TXLNG: variants seen among roughly 807,000 people sequenced by gnomAD.
TXLNG encodes gamma-taxilin.
A neutral mutation model predicts 38.8 loss-of-function variants in TXLNG; 5 were observed. The ratio of observed to expected loss-of-function variants is 0.13; its 90% confidence interval spans 0.07 to 0.27. The LOEUF (loss-of-function observed/expected upper bound fraction) is 0.27. TXLNG is among the 10% of genes least tolerant of loss of function. The probability of loss-of-function intolerance (pLI) is 1.00; values close to 1 mark genes in which losing one functional copy is unlikely to be tolerated. For missense variants in TXLNG, 393 were observed against 398.2 expected (o/e 0.99, Z 0.11); for synonymous variants, 182 against 158.2 (o/e 1.15, Z -1.13).
intron 2 of TXLNG, among the ~76,000 whole-genome samples, chrX:16,819,436 T>G (rs1928859472): frequency 9.0e-6 from 1 of 110,960 alleles, no homozygotes; most frequent in Admixed American, 9.7e-5. Flanking sequence ...TATATTTTGA[T>G]GCAATATCTT....
chrX:16,819,200 C>T (rs1000245477), intron 2 of TXLNG, among the ~76,000 whole-genome samples: 33 of 110,735 alleles, frequency 3.0e-4, no homozygotes, highest in African/African-American at 9.2e-4. Context: ...CTCGGCCTCC[C>T]AAAGTGCTGA....
chrX:16,793,580 T>C (rs781528845), intron 1 of TXLNG, among the ~76,000 whole-genome samples: 1 of 111,442 alleles, frequency 9.0e-6, no homozygotes, highest in Non-Finnish European at 1.9e-5. Context: ...ACTCATTTCT[T>C]TATGGGTCTT....
Position 16,843,978 on chromosome X carries a change from G to A in TXLNG, c.*2212G>A, listed in dbSNP as rs5969751. The stretch of plus-strand genomic sequence containing the variant: ...GTGTTGTGGCTTTGTAGCGCACCCC[G>A]TATCTACCATATTCTAGAACACTGT... On this transcript the variant is annotated 3_prime_UTR_variant, in exon 10 of 10. Transcript: ENST00000380122. The A allele has an allele frequency of 0.51, 56,410 of 110,051 alleles. 11,137 individuals are homozygous for A. Among genetic ancestry groups the A allele is most frequent in the East Asian group, 0.84 (2,928 of 3,472 alleles). The allele number at this position is 110,051 out of a possible 1,213,427, so 9.1% of individuals were successfully genotyped here.
intron 1 of TXLNG, among the ~76,000 whole-genome samples, chrX:16,787,829 C>T (rs1927551844): frequency 1.8e-5 from 2 of 112,006 alleles, no homozygotes; most frequent in African/African-American, 6.5e-5. Flanking sequence ...TATGAAATTA[C>T]GAAATAATAT....
chrX:16,843,868 C>T lies in TXLNG; in HGVS notation c.*2102C>T, dbSNP rs1305916387. On this transcript the variant is annotated 3_prime_UTR_variant, in exon 10 of 10. Coordinates refer to ENST00000380122, the MANE Select transcript of TXLNG (RefSeq NM_018360.3). ...GGATGCATTTGTTGTCCTTTCAGAA[C>T]CCTTCCTCCCATTACCCTGTGAATA... 1 of 111,669 alleles carries T rather than the reference C, an allele frequency of 9.0e-6. No individual in the cohort carries two copies. Among genetic ancestry groups the T allele is most frequent in the Non-Finnish European group, 1.9e-5 (1 of 53,183 alleles). 9.2% of individuals were successfully genotyped at this position (111,669 alleles called of 1,213,427 possible).
intron 6 of TXLNG, 59 bp from the exon 7 acceptor site, chrX:16,834,224 A>C (rs957099378): frequency 6.2e-6 from 6 of 972,299 alleles, no homozygotes; most frequent in Non-Finnish European, 8.7e-6. Flanking sequence ...TGATCATTTG[A>C]TATTTAGTCC....
intron 3 of TXLNG, among the ~76,000 whole-genome samples, chrX:16,822,234 G>A (rs1221802223): frequency 2.8e-5 from 3 of 108,805 alleles, no homozygotes; most frequent in Non-Finnish European, 3.8e-5. Flanking sequence ...CCAGCTACTC[G>A]GGAGGCTGAG....
chrX:16,824,687 G>A (rs1194361184), intron 3 of TXLNG, among the ~76,000 whole-genome samples: 1 of 109,649 alleles, frequency 9.1e-6, no homozygotes, highest in African/African-American at 3.3e-5. Flanking sequence ...GGGAGCCTGA[G>A]GCAGGCGGAT....
chrX:16,789,127 A>G (rs772074752), intron 1 of TXLNG, among the ~76,000 whole-genome samples: 2 of 111,907 alleles, frequency 1.8e-5, no homozygotes, highest in Admixed American at 9.6e-5. Context: ...AGTTTTTTGA[A>G]AATATTGAAA....
chrX:16,836,689 C>G (rs780516614), intron 7 of TXLNG, among the ~76,000 whole-genome samples: 1 of 112,631 alleles, frequency 8.9e-6, no homozygotes. Flanking sequence ...GGTGAATATT[C>G]TGCATCCAGC....
At chrX:16,797,526 G>A (rs1364551348) in intron 1 of TXLNG, among the ~76,000 whole-genome samples, 19 of 111,989 alleles carry the variant, frequency 1.7e-4, no homozygotes, top group Non-Finnish European at 5.6e-5. Context: ...TCAATTCCTC[G>A]TGGGCTGTTG....
At chrX:16,826,784 T>C (rs1327085614) in intron 3 of TXLNG, among the ~76,000 whole-genome samples, 1 of 110,353 alleles carries the variant, frequency 9.1e-6, no homozygotes, top group Non-Finnish European at 1.9e-5. Context: ...AATACAAAAT[T>C]AGCTGGGTGT....
chrX:16,795,421 A>C (rs1367401587), intron 1 of TXLNG, among the ~76,000 whole-genome samples: 2 of 112,932 alleles, frequency 1.8e-5, no homozygotes, highest in Admixed American at 9.4e-5. Context: ...GTAAATGTAC[A>C]ATATTAGCAC....
chrX:16,814,429 C>T (rs759849267), intron 1 of TXLNG, among the ~76,000 whole-genome samples: 39 of 111,777 alleles, frequency 3.5e-4, no homozygotes, highest in Non-Finnish European at 6.6e-4. Context: ...GCCTGGCCAA[C>T]ATGGTGAAAC....
chrX:16,802,315 A>G (rs1451777798), intron 1 of TXLNG, among the ~76,000 whole-genome samples: 5 of 103,086 alleles, frequency 4.9e-5, no homozygotes, highest in Admixed American at 1.1e-4. Flanking sequence ...CAGTGGCACA[A>G]TCTTGGCTCA....
chrX:16,820,157 C>T lies in TXLNG; in HGVS notation c.407-7C>T. 2.5e-6 allele frequency: 3 copies of T among 1,188,710 alleles called. No homozygotes were observed. Among genetic ancestry groups the T allele is most frequent in the Non-Finnish European group, 3.4e-6 (3 of 879,283 alleles). ...TGGGACTTATTTCTTTTCTTGTTAACCATCAGGAAAAGAAGTTTTATTACT... is the reference window on the plus strand; with the variant it reads ...TGGGACTTATTTCTTTTCTTGTTAATCATCAGGAAAAGAAGTTTTATTACT... On this transcript the variant is annotated splice_polypyrimidine_tract_variant and splice_region_variant and intron_variant, in intron 2 of 9. Transcript: ENST00000380122.
In TXLNG at chrX:16,837,742, T is replaced by G. The variant is rs191836184; in HGVS notation, c.1152+57T>G. The G allele has an allele frequency of 9.5e-5, 84 of 882,947 alleles. No homozygotes were observed. The East Asian group carries it at 2.8e-3, about 29-fold the overall frequency. The allele number at this position is 882,947 out of a possible 1,213,427, so 72.8% of individuals were successfully genotyped here. The stretch of plus-strand genomic sequence containing the variant: ...CAAATGGAATTTGTATAAGCTCTTT[T>G]AAGTGTGATTACTATTTTGCTGAGT... On this transcript the variant is annotated intron_variant, in intron 8 of 9. Coordinates refer to ENST00000380122, the MANE Select transcript of TXLNG (RefSeq NM_018360.3).
chrX:16,793,262 A>G (rs1251509805), intron 1 of TXLNG, among the ~76,000 whole-genome samples: 1 of 111,422 alleles, frequency 9.0e-6, no homozygotes, highest in African/African-American at 3.3e-5. Context: ...CCTAGTTGAA[A>G]TTCTGTTGGC....
chrX:16,833,762 A>G, intron 6 of TXLNG, among the ~76,000 whole-genome samples: 1 of 111,639 alleles, frequency 9.0e-6, no homozygotes, highest in African/African-American at 3.3e-5. Context: ...CTACTATGCA[A>G]CTTTGTGATT....
Sources: gnomAD v4.1 joint callset for allele counts (sites outside exome capture counted in the v4.1 genomes callset) on GRCh38, gnomAD v4.1.1 for gene constraint, MANE v1.5 for transcripts, NCBI Gene and HGNC (gene_info 2026-07-23, HGNC 2026-07-21) for gene names.